The following CTNND2 variants were observed in gnomAD, a reference collection of about 807,000 sequenced individuals.
CTNND2 encodes catenin delta 2, also known as catenin delta-2.
A neutral mutation model predicts 144.4 loss-of-function variants in CTNND2; 22 were observed. The ratio of observed to expected loss-of-function variants is 0.15; its 90% CI spans 0.11 to 0.22. The LOEUF (loss-of-function observed/expected upper bound fraction) is 0.22. Among genes scored for constraint, CTNND2 ranks in the 10% least tolerant of loss-of-function variants. The pLI is 1.00. For missense variants in CTNND2, 1,353 were observed against 1,618.8 expected (o/e 0.84, Z 2.82); for synonymous variants, 751 against 695.6 (o/e 1.08, Z -1.25).
intron 9 of CTNND2, among the ~76,000 whole-genome samples, chr5:11,264,921 AC>A (rs1745288287): frequency 6.6e-6 from 1 of 152,144 alleles, no homozygotes; most frequent in South Asian, 2.1e-4. Context: ...ACAGAGTAAG[AC>A]CCCGTCTCAT....
chr5:11,718,222 G>A (rs987347087), intron 2 of CTNND2, among the ~76,000 whole-genome samples: 16 of 152,070 alleles, frequency 1.1e-4, no homozygotes, highest in African/African-American at 3.9e-4. Flanking sequence ...TGTCTCAAAG[G>A]GGCACAAGGA....
At chr5:11,544,074 T>C (rs778138360) in intron 3 of CTNND2, among the ~76,000 whole-genome samples, 3 of 151,972 alleles carry the variant, frequency 2.0e-5, no homozygotes, top group Non-Finnish European at 2.9e-5. Context: ...AATTATCAGA[T>C]GCAGAAAAAA....
chr5:11,893,905 G>A (rs946952471), intron 1 of CTNND2, among the ~76,000 whole-genome samples: 1 of 152,112 alleles, frequency 6.6e-6, no homozygotes, highest in Non-Finnish European at 1.5e-5. Context: ...ACGAAGATTA[G>A]CATCCCCTCT....
At chr5:11,125,774 T>C (rs1319054927) in intron 12 of CTNND2, among the ~76,000 whole-genome samples, 1 of 152,238 alleles carries the variant, frequency 6.6e-6, no homozygotes, top group Non-Finnish European at 1.5e-5. Flanking sequence ...GGGGGAAATG[T>C]AGAACTAAAA....
intron 2 of CTNND2, among the ~76,000 whole-genome samples, chr5:11,715,719 A>G (rs1423322132): frequency 6.6e-6 from 1 of 152,258 alleles, no homozygotes; most frequent in African/African-American, 2.4e-5. Context: ...GGGCCTGCCT[A>G]TAAAGAGATT....
chr5:11,277,715 C>T (rs190121768), intron 9 of CTNND2, among the ~76,000 whole-genome samples: 14 of 151,798 alleles, frequency 9.2e-5, no homozygotes, highest in Admixed American at 1.3e-4. Context: ...TATTTTTAGT[C>T]GAGTCAGGAT....
At chr5:11,710,183 C>T (rs73043412) in intron 2 of CTNND2, among the ~76,000 whole-genome samples, 5,497 of 152,120 alleles carry the variant, frequency 0.036, 297 homozygotes, top group African/African-American at 0.12. Flanking sequence ...AGCCAAGAAC[C>T]ATTTATCTGG....
chr5:11,474,883 G>A (rs545233037), intron 3 of CTNND2, among the ~76,000 whole-genome samples: 7 of 152,064 alleles, frequency 4.6e-5, no homozygotes, highest in Admixed American at 1.3e-4. Context: ...CTAAGCACCC[G>A]CCCTATGTAC....
At position 11,551,432 on chromosome 5, in the gene CTNND2, C is replaced by CTTTTTTTTTTTTTTTT. The variant is rs70949326; in HGVS notation, c.287+13496_287+13511dup. Among the ~76,000 whole-genome samples the CTTTTTTTTTTTTTTTT allele has an allele frequency of 2.3e-4, 23 of 100,922 alleles. 1 individual carries two copies. Among genetic ancestry groups the CTTTTTTTTTTTTTTTT allele is most frequent in the African/African-American group, 8.0e-4 (22 of 27,664 alleles). 66.2% of individuals were successfully genotyped at this position (100,922 alleles called of 152,430 possible). A position where few individuals can be genotyped will look rare whatever the true frequency, so the allele number is the denominator to read the frequency against. The stretch of plus-strand genomic sequence containing the variant: ...AGCATATTTATGCTTTTTCTTTTTT[C>CTTTTTTTTTTTTTTTT]TTTTTTTTTTTTTTTTTTTTTGATA... On this transcript the variant is annotated intron_variant, in intron 3 of 21. Coordinates refer to ENST00000304623, the MANE Select transcript of CTNND2 (RefSeq NM_001332.4).
chr5:11,838,113 G>A (rs1017195095), intron 1 of CTNND2, among the ~76,000 whole-genome samples: 1 of 152,032 alleles, frequency 6.6e-6, no homozygotes, highest in Non-Finnish European at 1.5e-5. Flanking sequence ...TTTGCACCTT[G>A]TATTCTAACA....
At chr5:11,722,674 C>T (rs1013226984) in intron 2 of CTNND2, among the ~76,000 whole-genome samples, 10 of 152,090 alleles carry the variant, frequency 6.6e-5, no homozygotes, top group Admixed American at 1.3e-4. Context: ...AAGGTGGGGG[C>T]GGAAAGCCCC....
At chr5:11,337,072 A>G (rs1448903367) in intron 9 of CTNND2, among the ~76,000 whole-genome samples, 1 of 152,074 alleles carries the variant, frequency 6.6e-6, no homozygotes, top group Non-Finnish European at 1.5e-5. Context: ...TCAAGACTAG[A>G]CCCACAAAAT....
chr5:11,531,390 C>T (rs1773731129), intron 3 of CTNND2, among the ~76,000 whole-genome samples: 1 of 152,084 alleles, frequency 6.6e-6, no homozygotes, highest in Admixed American at 6.6e-5. Context: ...ATTTGGGAGG[C>T]CGAGGAGGGT....
intron 3 of CTNND2, among the ~76,000 whole-genome samples, chr5:11,443,089 T>C (rs1001024545): frequency 2.6e-4 from 39 of 151,364 alleles, no homozygotes; most frequent in African/African-American, 7.7e-4. Context: ...TGAAAAGGCA[T>C]CAGTTCTATG....
intron 3 of CTNND2, among the ~76,000 whole-genome samples, chr5:11,465,455 C>T (rs913527212): frequency 6.6e-6 from 1 of 152,144 alleles, no homozygotes; most frequent in Non-Finnish European, 1.5e-5. Flanking sequence ...CAACTGTACA[C>T]CTAGGCATTC....
intron 9 of CTNND2, among the ~76,000 whole-genome samples, chr5:11,250,519 A>ATATATATATTT (rs1554012681): frequency 1.2e-5 from 1 of 83,258 alleles, no homozygotes; most frequent in Non-Finnish European, 2.1e-5. Context: ...ATATACATAT[A>ATATATATATTT]TTTTTTTTTT....
chr5:11,023,500 TG>T (rs1742510035), intron 16 of CTNND2, among the ~76,000 whole-genome samples: 1 of 152,186 alleles, frequency 6.6e-6, no homozygotes, highest in Non-Finnish European at 1.5e-5. Flanking sequence ...CAAAAATGTG[TG>T]GGGAACATGA....
intron 3 of CTNND2, among the ~76,000 whole-genome samples, chr5:11,523,787 A>C (rs896236384): frequency 2.0e-5 from 3 of 152,044 alleles, no homozygotes; most frequent in Non-Finnish European, 2.9e-5. Context: ...CCCCCTTCTC[A>C]GCCAGTCCTA....
intron 3 of CTNND2, among the ~76,000 whole-genome samples, chr5:11,544,434 C>A (rs988785731): frequency 1.3e-5 from 2 of 152,138 alleles, no homozygotes; most frequent in African/African-American, 4.8e-5. Context: ...CTCAATGATG[C>A]CACAACTAGG....
Sources: allele counts gnomAD v4.1 joint callset (sites outside exome capture counted in the v4.1 genomes callset), GRCh38; gene constraint gnomAD v4.1.1; transcripts MANE v1.5; gene names NCBI Gene and HGNC (gene_info 2026-07-23, HGNC 2026-07-21).